Variants in USP50 observed in about 807,000 individuals in gnomAD.
USP50 encodes ubiquitin specific peptidase 50.
In USP50, 37 loss-of-function variants were observed where a neutral mutation model predicts 39.2. That is an observed-to-expected ratio of 0.94 (90% CI 0.73 to 1.24). The LOEUF (loss-of-function observed/expected upper bound fraction) is 1.24. USP50 is among the 50% of genes most tolerant of loss of function. The pLI, the probability that USP50 is intolerant of heterozygous loss-of-function variation, is 0.00. For synonymous variants in USP50, 139 were observed against 144.5 expected (o/e 0.96, Z 0.27); for missense variants, 374 against 398.2 (o/e 0.94, Z 0.52).
At chr15:50,544,391 A>G (rs556458350) in intron 2 of USP50, among the ~76,000 whole-genome samples, 196 bp downstream of exon 2, 2 of 147,834 alleles carry the variant, frequency 1.4e-5, no homozygotes, top group African/African-American at 5.1e-5. Context: ...AATAAAAAAT[A>G]AAAAAAAAAG....
chr15:50,525,721 G>GTA (rs1555395238), intron 6 of USP50, among the ~76,000 whole-genome samples: 58 of 112,528 alleles, frequency 5.2e-4, no homozygotes, highest in South Asian at 1.4e-3. Flanking sequence ...ATATGTATAT[G>GTA]TATATATGTA....
intron 6 of USP50, chr15:50,511,468 C>A (rs1443758259): frequency 6.6e-6 from 1 of 152,076 alleles, no homozygotes; most frequent in East Asian, 1.9e-4. Flanking sequence ...AAATCCTGTA[C>A]ATAAATGTTC....
At chr15:50,543,028 C>CTGAT (rs1182067884) in intron 3 of USP50, among the ~76,000 whole-genome samples, 2 of 152,120 alleles carry the variant, frequency 1.3e-5, no homozygotes, top group African/African-American at 4.8e-5. Context: ...TCTAGAGTAA[C>CTGAT]TGATGATTTC....
At chr15:50,542,474 C>CTTTTT (rs2053037195) in intron 3 of USP50, among the ~76,000 whole-genome samples, 1 of 140,418 alleles carries the variant, frequency 7.1e-6, no homozygotes, top group Non-Finnish European at 1.5e-5. Flanking sequence ...TTTTTTTTTT[C>CTTTTT]CTTTTCATTT....
chr15:50,507,331 C>T (rs897722459), intron 6 of USP50: 1 of 152,168 alleles, frequency 6.6e-6, no homozygotes, highest in African/African-American at 2.4e-5. Flanking sequence ...CACTATATAA[C>T]ATTTAGAACT....
At chr15:50,493,037 A>G, downstream of USP50, 1 of 1,030,602 alleles carries the variant, frequency 9.7e-7, no homozygotes, top group Non-Finnish European at 1.5e-6. Flanking sequence ...ATTTGTAAAG[A>G]ACAAAAATTT....
At chr15:50,510,548 T>C (rs931227834) in intron 6 of USP50, 1 of 152,198 alleles carries the variant, frequency 6.6e-6, no homozygotes, top group Non-Finnish European at 1.5e-5. Flanking sequence ...TAAATTTTCT[T>C]ACATATAATT....
At chr15:50,545,629 TGA>T (rs2053065193) in intron 1 of USP50, among the ~76,000 whole-genome samples, 1 of 150,778 alleles carries the variant, frequency 6.6e-6, no homozygotes, top group Non-Finnish European at 1.5e-5. Flanking sequence ...ATTAAGAGCA[TGA>T]ATATATATAT....
At chr15:50,536,121 C>T (rs945174949) in intron 5 of USP50, among the ~76,000 whole-genome samples, 1 of 151,920 alleles carries the variant, frequency 6.6e-6, no homozygotes, top group African/African-American at 2.4e-5. Flanking sequence ...ATTAGAAGAC[C>T]TAGCTAATGC....
intron 6 of USP50, among the ~76,000 whole-genome samples, chr15:50,526,695 T>G (rs151175847): frequency 6.6e-6 from 1 of 152,170 alleles, no homozygotes; most frequent in Non-Finnish European, 1.5e-5. Context: ...GGGCTCAATA[T>G]AGACATGTTT....
rs1353140579 is a variant in USP50, at chr15:50,525,600, GTATATGTA to G, written c.936+4189_936+4196del. 1.4e-3 allele frequency among the ~76,000 whole-genome samples: 207 copies of G among 142,832 alleles called. 4 individuals are homozygous for G. Among genetic ancestry groups the G allele is most frequent in the Middle Eastern group, 7.3e-3 (2 of 274 alleles). The allele number at this position is 142,832 out of a possible 152,430, so 93.7% of individuals were successfully genotyped here. A position where few individuals can be genotyped will look rare whatever the true frequency, so the allele number is the denominator to read the frequency against. The stretch of plus-strand genomic sequence containing the variant: ...TATGTATATATGTATATGTATATAT[GTATATGTA>G]TATATGTATATATGTATATGTATAT... On this transcript the variant is annotated intron_variant, in intron 6 of 6. Coordinates refer to ENST00000532404, the MANE Select transcript of USP50 (RefSeq NM_203494.5).
At chr15:50,544,992 C>A (rs891212318) in intron 1 of USP50, among the ~76,000 whole-genome samples, 5 of 152,052 alleles carry the variant, frequency 3.3e-5, no homozygotes, top group African/African-American at 9.7e-5. Flanking sequence ...AATCCCAGCC[C>A]TTTGGGAGGC....
intron 1 of USP50, among the ~76,000 whole-genome samples, chr15:50,494,628 GTA>G (rs2052304009): frequency 6.6e-6 from 1 of 152,194 alleles, no homozygotes; most frequent in Admixed American, 6.5e-5. Flanking sequence ...TATATAATAT[GTA>G]TATGTTATTG....
At chr15:50,532,761 G>T (rs932226689) in intron 5 of USP50, among the ~76,000 whole-genome samples, 1 of 151,672 alleles carries the variant, frequency 6.6e-6, no homozygotes, top group Non-Finnish European at 1.5e-5. Flanking sequence ...AAGAACAGAC[G>T]GTCAATGTAA....
chr15:50,500,704 A>C lies in USP50; in HGVS notation c.*65T>G, dbSNP rs2052567773. On this transcript the variant is annotated 3_prime_UTR_variant, in exon 7 of 7. Transcript: ENST00000532404. ...AAAGGGCTGGCAGCTATAGAACAGG[A>C]GATCCATAGCATTTTGAACAGAAGT... 2.8e-6 allele frequency: 4 copies of C among 1,436,400 alleles called. No individual in the cohort carries two copies. The South Asian group carries it at 4.9e-5, about 18-fold the overall frequency. 89.0% of individuals were successfully genotyped at this position (1,436,400 alleles called of 1,614,324 possible).
downstream of USP50, chr15:50,496,990 A>C: frequency 7.0e-7 from 1 of 1,438,788 alleles, no homozygotes; most frequent in Non-Finnish European, 9.3e-7. Flanking sequence ...ATTGCTGTTG[A>C]ATCACTGGTG....
At chr15:50,525,674 ATATG>A (rs1264278245) in intron 6 of USP50, among the ~76,000 whole-genome samples, 1 of 138,420 alleles carries the variant, frequency 7.2e-6, no homozygotes, top group Non-Finnish European at 1.5e-5. Context: ...GTATATGTAT[ATATG>A]TATATTATAT....
rs964159867 is a variant in USP50 at position 50,538,785 on chromosome 15, A to C, written c.727T>G (p.Cys243Gly). The stretch of plus-strand genomic sequence containing the variant: ...ACAGCAGTTTCTTGCTTGGTTTCAC[A>C]AAAGGAGCAGTGAATTTCGTTGTTC... ...TWNNEIHCSF[C>G]ETKQETAVRA... Residue 243 changes from cysteine (C) to glycine (G), a missense_variant, in exon 5 of 7, where the codon TGT (cysteine) becomes GGT (glycine). Coordinates refer to ENST00000532404, the MANE Select transcript of USP50 (RefSeq NM_203494.5). The C allele has an allele frequency of 6.2e-7, 1 of 1,613,756 alleles. No homozygotes were observed. Among genetic ancestry groups the C allele is most frequent in the African/African-American group, 1.3e-5 (1 of 74,918 alleles).
chr15:50,502,249 A>T (rs1384671682), intron 6 of USP50: 1 of 152,310 alleles, frequency 6.6e-6, no homozygotes, highest in Admixed American at 6.5e-5. Context: ...CTGGGAGACT[A>T]CAGGTGCCTG....
Sources: gnomAD v4.1 joint callset for allele counts (sites outside exome capture counted in the v4.1 genomes callset) on GRCh38, gnomAD v4.1.1 for gene constraint, MANE v1.5 for transcripts, NCBI Gene and HGNC (gene_info 2026-07-23, HGNC 2026-07-21) for gene names.